The following ARID1B variants were observed in gnomAD, a reference collection of about 807,000 sequenced individuals.
ARID1B encodes the protein AT-rich interaction domain 1B.
In ARID1B, 30 loss-of-function variants were observed where a neutral mutation model predicts 212.3. The ratio of observed to expected loss-of-function variants is 0.14; its 90% CI spans 0.11 to 0.19. The LOEUF (loss-of-function observed/expected upper bound fraction) is 0.19, where lower values mean the gene tolerates loss of function less well. Among genes scored for constraint, ARID1B ranks in the 10% least tolerant of loss-of-function variants. The pLI, the probability that ARID1B is intolerant of heterozygous loss-of-function variation, is 1.00. For missense variants in ARID1B, 2,891 were observed against 3,204.0 expected, an observed-to-expected ratio of 0.90 and a Z score of 2.36; for synonymous variants, 1,402 against 1,301.7, an observed-to-expected ratio of 1.08 and a Z score of -1.66.
At chr6:156,889,497 G>A (rs1467602582) in intron 2 of ARID1B, among the ~76,000 whole-genome samples, 1 of 152,228 alleles carries the variant, frequency 6.6e-6, no homozygotes, top group Non-Finnish European at 1.5e-5. Flanking sequence ...TTGACTGCCA[G>A]TGAATGCCTG....
At chr6:156,973,727 C>CAACG (rs1217967908) in intron 4 of ARID1B, among the ~76,000 whole-genome samples, 1 of 152,206 alleles carries the variant, frequency 6.6e-6, no homozygotes, top group African/African-American at 2.4e-5. Context: ...GAACCACAGG[C>CAACG]AACGCCCCCA....
At chr6:157,103,320 A>G (rs1786215712) in intron 5 of ARID1B, among the ~76,000 whole-genome samples, 2 of 152,152 alleles carry the variant, frequency 1.3e-5, no homozygotes, top group South Asian at 2.1e-4. Flanking sequence ...ATAGCGGGGA[A>G]CCAAACAGTC....
At chr6:157,185,693 A>G (rs368620560) in intron 13 of ARID1B, 8 of 152,378 alleles carry the variant, frequency 5.3e-5, no homozygotes, top group African/African-American at 1.9e-4. Context: ...ATGTTTACAC[A>G]TAGAAGCCAG....
chr6:156,846,554 G>T (rs1784247264), intron 2 of ARID1B, among the ~76,000 whole-genome samples: 1 of 152,108 alleles, frequency 6.6e-6, no homozygotes, highest in African/African-American at 2.4e-5. Flanking sequence ...TGTGTGTGTG[G>T]ACGGGGCTGC....
intron 4 of ARID1B, among the ~76,000 whole-genome samples, chr6:157,065,122 A>G (rs534493618): frequency 6.6e-5 from 10 of 152,344 alleles, no homozygotes; most frequent in Non-Finnish European, 1.2e-4. Context: ...GGGGAAATTC[A>G]CCTCTCCACG....
intron 3 of ARID1B, among the ~76,000 whole-genome samples, chr6:156,909,143 T>G (rs1789658964): frequency 7.1e-6 from 1 of 140,994 alleles, no homozygotes; most frequent in Non-Finnish European, 1.5e-5. Context: ...TTTTTTTTTT[T>G]GAGACAGAGC....
intron 4 of ARID1B, among the ~76,000 whole-genome samples, chr6:157,018,822 T>G (rs1780060454): frequency 6.6e-6 from 1 of 152,198 alleles, no homozygotes; most frequent in Non-Finnish European, 1.5e-5. Flanking sequence ...ATATATGTGA[T>G]TATATATACA....
chr6:157,184,196 T>A (rs2128324428), intron 12 of ARID1B, 35 bp from the exon 13 acceptor site: 1 of 1,562,362 alleles, frequency 6.4e-7, no homozygotes, highest in Non-Finnish European at 8.7e-7. Flanking sequence ...AGCCACTTTG[T>A]TGCAAACCAA....
chr6:157,165,589 G>A (rs1235746793), intron 8 of ARID1B, among the ~76,000 whole-genome samples: 2 of 152,142 alleles, frequency 1.3e-5, no homozygotes, highest in Non-Finnish European at 2.9e-5. Flanking sequence ...AGACATGGTG[G>A]CTCACACCTG....
In ARID1B at chr6:157,072,615, C is replaced by T. The variant is rs537539928; in HGVS notation, c.2248-12047C>T. On this transcript the variant is annotated intron_variant, in intron 4 of 19. Transcript: ENST00000636930. ...AATTTCTATATACTTTTAAATTGCTCGCTACTAAACAGATTTAGATGATTT... is the reference window on the plus strand; with the variant it reads ...AATTTCTATATACTTTTAAATTGCTTGCTACTAAACAGATTTAGATGATTT... The T allele has an allele frequency of 9.9e-5, 15 of 152,148 alleles. No homozygotes were observed. The East Asian group carries it at 1.5e-3, about 16-fold the overall frequency. 9.4% of individuals were successfully genotyped at this position (152,148 alleles called of 1,614,324 possible). A position where few individuals can be genotyped will look rare whatever the true frequency, so the allele number is the denominator to read the frequency against.
At chr6:156,785,328 A>G (rs1779559334) in intron 1 of ARID1B, among the ~76,000 whole-genome samples, 2 of 152,198 alleles carry the variant, frequency 1.3e-5, no homozygotes, top group South Asian at 2.1e-4. Context: ...TCTGTTGACC[A>G]TCTTCTGTAA....
intron 4 of ARID1B, among the ~76,000 whole-genome samples, chr6:156,993,230 TG>T (rs1442775445): frequency 2.6e-5 from 4 of 152,116 alleles, no homozygotes; most frequent in African/African-American, 9.7e-5. Flanking sequence ...TTAGTAGAGA[TG>T]GGGTTTCACC....
At chr6:156,920,080 C>G (rs1393953213) in intron 3 of ARID1B, among the ~76,000 whole-genome samples, 1 of 152,230 alleles carries the variant, frequency 6.6e-6, no homozygotes, top group Non-Finnish European at 1.5e-5. Context: ...GTTCCCCAGA[C>G]TCAGCAGCCA....
At chr6:157,154,888 C>T (rs538044038) in intron 8 of ARID1B, among the ~76,000 whole-genome samples, 1 of 152,016 alleles carries the variant, frequency 6.6e-6, no homozygotes, top group South Asian at 2.1e-4. Flanking sequence ...GCCTGTTGCT[C>T]TTCTTTCTAC....
At chr6:156,883,098 T>C (rs1322440212) in intron 2 of ARID1B, among the ~76,000 whole-genome samples, 1 of 152,198 alleles carries the variant, frequency 6.6e-6, no homozygotes. Context: ...AAGGAGTGTT[T>C]GTGAGGCGCC....
At chr6:156,840,366 G>A (rs1053387203) in intron 2 of ARID1B, among the ~76,000 whole-genome samples, 1 of 152,172 alleles carries the variant, frequency 6.6e-6, no homozygotes, top group African/African-American at 2.4e-5. Flanking sequence ...ATCCCCTCCT[G>A]AACCTCACTT....
At chr6:156,844,175 C>G (rs1784082241) in intron 2 of ARID1B, among the ~76,000 whole-genome samples, 1 of 152,234 alleles carries the variant, frequency 6.6e-6, no homozygotes, top group Admixed American at 6.5e-5. Flanking sequence ...CATCTTTGTT[C>G]TGCTTTGGTG....
chr6:157,090,615 TAGAC>T (rs1685572381), intron 5 of ARID1B, among the ~76,000 whole-genome samples: 1 of 152,368 alleles, frequency 6.6e-6, no homozygotes, highest in South Asian at 2.1e-4. Flanking sequence ...TTAGCTATCA[TAGAC>T]AGAAACAAAA....
intron 2 of ARID1B, among the ~76,000 whole-genome samples, chr6:156,854,073 T>G (rs1784753479): frequency 6.6e-6 from 1 of 152,230 alleles, no homozygotes; most frequent in African/African-American, 2.4e-5. Context: ...GTGATACTTG[T>G]AAATAATTTA....
Sources: gnomAD v4.1 joint callset for allele counts (sites outside exome capture counted in the v4.1 genomes callset) on GRCh38, gnomAD v4.1.1 for gene constraint, MANE v1.5 for transcripts, NCBI Gene and HGNC (gene_info 2026-07-23, HGNC 2026-07-21) for gene names.